Variants in CDH13 observed in about 807,000 individuals in gnomAD.
CDH13 encodes the protein cadherin-13.
CDH13 carries 24 observed loss-of-function variants against 63.8 expected under a neutral mutation model. The observed-to-expected ratio is 0.38, with a 90% CI of 0.27 to 0.53. The LOEUF (loss-of-function observed/expected upper bound fraction) is 0.53. Ranked by LOEUF, CDH13 falls within the 20% of genes least tolerant of loss-of-function variation. The pLI is 0.85. For missense variants in CDH13, 1,049 were observed against 903.1 expected, an observed-to-expected ratio of 1.16 and a Z score of -2.07; for synonymous variants, 503 against 355.3, an observed-to-expected ratio of 1.42 and a Z score of -4.67.
At chr16:83,774,543 T>C (rs571053195) in intron 11 of CDH13, among the ~76,000 whole-genome samples, 1 of 152,236 alleles carries the variant, frequency 6.6e-6, no homozygotes, top group Non-Finnish European at 1.5e-5. Context: ...CAGCTAATTT[T>C]TTGTATTTTT....
chr16:83,559,289 A>G (rs1310661653), intron 7 of CDH13, among the ~76,000 whole-genome samples: 1 of 152,142 alleles, frequency 6.6e-6, no homozygotes, highest in Non-Finnish European at 1.5e-5. Flanking sequence ...GAAAAACTGA[A>G]GGCCAGACAT....
chr16:83,258,956 TAAAC>T (rs918427497), intron 5 of CDH13, among the ~76,000 whole-genome samples: 2 of 152,164 alleles, frequency 1.3e-5, no homozygotes, highest in Non-Finnish European at 2.9e-5. Flanking sequence ...ATTTGATACA[TAAAC>T]AAAAGGAATT....
intron 1 of CDH13, among the ~76,000 whole-genome samples, chr16:82,755,420 C>T (rs76432154): frequency 0.037 from 5,671 of 152,258 alleles, 133 homozygotes; most frequent in Non-Finnish European, 0.056. Context: ...AGGGAGTGCA[C>T]AGGAGGATGA....
chr16:83,249,378 A>G (rs920678135), intron 5 of CDH13, among the ~76,000 whole-genome samples: 4 of 152,128 alleles, frequency 2.6e-5, no homozygotes, highest in African/African-American at 9.7e-5. Context: ...AACACCAAGG[A>G]TTGTCTTACT....
At chr16:83,310,201 T>C (rs564298842) in intron 5 of CDH13, among the ~76,000 whole-genome samples, 1 of 152,176 alleles carries the variant, frequency 6.6e-6, no homozygotes, top group South Asian at 2.1e-4. Context: ...GTGAAAGTCA[T>C]TTTGAAAGAC....
chr16:83,392,970 G>A (rs1597909515), intron 6 of CDH13, among the ~76,000 whole-genome samples: 1 of 152,122 alleles, frequency 6.6e-6, no homozygotes, highest in African/African-American at 2.4e-5. Flanking sequence ...CCAGGGGAGG[G>A]CATAGATGGA....
intron 4 of CDH13, among the ~76,000 whole-genome samples, chr16:83,147,488 G>C (rs923880668): frequency 1.3e-5 from 2 of 152,210 alleles, no homozygotes; most frequent in East Asian, 1.9e-4. Context: ...TTCTGATCTG[G>C]TGCCTTATCC....
chr16:83,245,060 G>T (rs1292956229), intron 5 of CDH13, among the ~76,000 whole-genome samples: 3 of 151,612 alleles, frequency 2.0e-5, no homozygotes, highest in African/African-American at 7.3e-5. Context: ...TTGCAGGCTG[G>T]CCTTTCTAGG....
At chr16:83,687,141 A>C (rs1455531855) in intron 10 of CDH13, among the ~76,000 whole-genome samples, 1 of 152,102 alleles carries the variant, frequency 6.6e-6, no homozygotes, top group Non-Finnish European at 1.5e-5. Context: ...TGAACCTGGG[A>C]GGTGGAGGTT....
intron 2 of CDH13, among the ~76,000 whole-genome samples, chr16:82,910,453 A>C (rs2041794815): frequency 6.6e-6 from 1 of 152,144 alleles, no homozygotes; most frequent in Non-Finnish European, 1.5e-5. Context: ...TGTTGACTTT[A>C]GATTTTTTTT....
intron 2 of CDH13, among the ~76,000 whole-genome samples, chr16:83,008,507 C>T (rs978113658): frequency 2.0e-5 from 3 of 152,124 alleles, no homozygotes; most frequent in Admixed American, 1.3e-4. Flanking sequence ...GCACAAAATG[C>T]GTACAACAAA....
Position 82,644,997 on chromosome 16 carries a change from T to A in CDH13, c.45+17860T>A, listed in dbSNP as rs553435917. Among the ~76,000 whole-genome samples, 39 of 152,340 alleles carry A rather than the reference T, an allele frequency of 2.6e-4. No homozygotes were observed. Among genetic ancestry groups the A allele is most frequent in the African/African-American group, 9.4e-4 (39 of 41,564 alleles). ...AAGTGGACCAGATTGGGTTTTGTTT[T>A]TTCACAAATGAAAGTCTCTGAGATT... On this transcript the variant is annotated intron_variant, in intron 1 of 13. Transcript: ENST00000567109. This position sits in a 1 kb window ranked among gnomAD's most constrained non-coding sequence, Gnocchi z 5.7.
At chr16:83,276,714 C>CA (rs1484100724) in intron 5 of CDH13, among the ~76,000 whole-genome samples, 4 of 151,954 alleles carry the variant, frequency 2.6e-5, no homozygotes, top group African/African-American at 4.8e-5. Flanking sequence ...ACTAAAAATA[C>CA]AAAAAAATTA....
intron 6 of CDH13, among the ~76,000 whole-genome samples, chr16:83,368,887 TATATATA>T (rs1567622061): frequency 0.09 from 3,394 of 37,890 alleles, 621 homozygotes; most frequent in Admixed American, 0.14. Context: ...TTCCATGTTA[TATATATA>T]TATATATATA....
At chr16:83,495,043 A>G (rs1018560517) in intron 7 of CDH13, among the ~76,000 whole-genome samples, 2 of 152,172 alleles carry the variant, frequency 1.3e-5, no homozygotes, top group African/African-American at 4.8e-5. Context: ...CAACAGGCAA[A>G]CTTGAAGATA....
At chr16:83,655,551 G>A (rs1482543461) in intron 8 of CDH13, among the ~76,000 whole-genome samples, 1 of 152,172 alleles carries the variant, frequency 6.6e-6, no homozygotes, top group Non-Finnish European at 1.5e-5. Flanking sequence ...ACAAACCCAT[G>A]GCAGAGCCCA....
At chr16:82,978,237 A>G (rs1909789429) in intron 2 of CDH13, among the ~76,000 whole-genome samples, 1 of 152,260 alleles carries the variant, frequency 6.6e-6, no homozygotes, top group Admixed American at 6.5e-5. Context: ...TTAAAAGGGA[A>G]GCAGAACATA....
chr16:83,052,750 C>A (rs1245521881), intron 3 of CDH13, among the ~76,000 whole-genome samples: 1 of 125,454 alleles, frequency 8.0e-6, no homozygotes, highest in African/African-American at 3.1e-5. Flanking sequence ...GCACTCCAGC[C>A]TGGGTGACAG....
intron 2 of CDH13, among the ~76,000 whole-genome samples, chr16:82,942,834 T>C (rs1348700751): frequency 1.3e-5 from 2 of 152,150 alleles, no homozygotes; most frequent in Admixed American, 1.3e-4. Context: ...TCCACCCTCT[T>C]CCCATGACCC....
Sources: allele counts gnomAD v4.1 joint callset (sites outside exome capture counted in the v4.1 genomes callset), GRCh38; gene constraint gnomAD v4.1.1; non-coding constraint Gnocchi (gnomAD v3.1); transcripts MANE v1.5; gene names NCBI Gene and HGNC (gene_info 2026-07-23, HGNC 2026-07-21).